Variants in PRKACB observed in about 807,000 individuals in gnomAD.
PRKACB encodes protein kinase cAMP-activated catalytic subunit beta.
In PRKACB, 16 loss-of-function variants were observed where a neutral mutation model predicts 51.4. The ratio of observed to expected loss-of-function variants is 0.31; its 90% CI spans 0.21 to 0.47. The LOEUF (loss-of-function observed/expected upper bound fraction) is 0.47, where lower values mean the gene tolerates loss of function less well. Ranked by LOEUF, PRKACB falls within the 20% of genes least tolerant of loss-of-function variation. The pLI, the probability that PRKACB is intolerant of heterozygous loss-of-function variation, is 1.00. For missense variants in PRKACB, 309 were observed against 464.5 expected, an observed-to-expected ratio of 0.67 and a Z score of 3.08; for synonymous variants, 147 against 154.4, an observed-to-expected ratio of 0.95 and a Z score of 0.35.
chr1:84,110,386 GTATA>G (rs199834863), intron 1 of PRKACB, among the ~76,000 whole-genome samples: 1 of 151,124 alleles, frequency 6.6e-6, no homozygotes, highest in African/African-American at 2.4e-5. Context: ...ATATATGTAA[GTATA>G]TATATATACT....
intron 1 of PRKACB, among the ~76,000 whole-genome samples, chr1:84,130,676 C>G (rs1239052880): frequency 2.6e-5 from 4 of 152,078 alleles, no homozygotes; most frequent in African/African-American, 9.7e-5. Context: ...ATTGAAGAAG[C>G]TTAGTGAATG....
At chr1:84,206,348 T>C (rs1671344728) in intron 8 of PRKACB, among the ~76,000 whole-genome samples, 1 of 152,186 alleles carries the variant, frequency 6.6e-6, no homozygotes, top group Non-Finnish European at 1.5e-5. Flanking sequence ...ATCAGCCCAA[T>C]TGCTATTCCT....
chr1:84,211,140 C>G (rs912851855), intron 8 of PRKACB, among the ~76,000 whole-genome samples: 2 of 151,890 alleles, frequency 1.3e-5, no homozygotes, highest in African/African-American at 4.8e-5. Context: ...CACACACACA[C>G]ACACACACAC....
intron 1 of PRKACB, among the ~76,000 whole-genome samples, chr1:84,086,743 C>T (rs1429798851): frequency 6.6e-6 from 1 of 152,192 alleles, no homozygotes; most frequent in Non-Finnish European, 1.5e-5. Flanking sequence ...CTGGGTCCCA[C>T]ACTCAAATCC....
chr1:84,090,096 G>C (rs1449191285), intron 1 of PRKACB, among the ~76,000 whole-genome samples: 1 of 152,138 alleles, frequency 6.6e-6, no homozygotes, highest in Admixed American at 6.5e-5. Flanking sequence ...AACCTCAAAT[G>C]AGCTGTCAAC....
intron 1 of PRKACB, among the ~76,000 whole-genome samples, chr1:84,169,379 A>G (rs1422199265): frequency 3.3e-5 from 5 of 151,704 alleles, no homozygotes; most frequent in Non-Finnish European, 7.4e-5. Flanking sequence ...GAGAGGCAGG[A>G]ATGGAAAAGA....
At chr1:84,127,042 C>T (rs1281122448) in intron 1 of PRKACB, among the ~76,000 whole-genome samples, 1 of 152,104 alleles carries the variant, frequency 6.6e-6, no homozygotes, top group Non-Finnish European at 1.5e-5. Flanking sequence ...TGCCTTATTC[C>T]TCTATCTGGG....
In PRKACB at chr1:84,144,411, C is replaced by T. The variant is rs1178066766; in HGVS notation, c.50C>T (p.Thr17Ile). ...PPCNQYTGTT[T>I]ALQKLEGFAS... is the part of the protein sequence containing the mutation. Reference sequence around the variant, plus strand: ...TGTAACCAGTATACAGGTACAACTACAGCTCTTCAGAAATTGGAAGGTTTT... The same window carrying T: ...TGTAACCAGTATACAGGTACAACTATAGCTCTTCAGAAATTGGAAGGTTTT... The change falls in exon 1 of 10, where the codon ACA becomes ATA. Residue 17 changes from threonine to isoleucine, a missense_variant. Thr to Ile is a moderately conservative substitution (Grantham distance 89). This residue lies in a region of PRKACB where 153 missense variants were observed against 190.2 expected (regional missense o/e 0.80). Coordinates refer to ENST00000370685, the MANE Select transcript of PRKACB (RefSeq NM_182948.4). The T allele has an allele frequency of 2.5e-6, 4 of 1,613,432 alleles. No homozygotes were observed. Among genetic ancestry groups the T allele is most frequent in the Non-Finnish European group, 2.5e-6 (3 of 1,179,698 alleles).
At chr1:84,190,495 CTTAAAG>C (rs1186133787) in intron 5 of PRKACB, among the ~76,000 whole-genome samples, 8 of 148,640 alleles carry the variant, frequency 5.4e-5, no homozygotes, top group African/African-American at 9.8e-5. Context: ...TAAATAAGAA[CTTAAAG>C]TTAGATACAT....
intron 1 of PRKACB, chr1:84,175,749 C>G: frequency 6.7e-7 from 1 of 1,500,926 alleles, no homozygotes; most frequent in Non-Finnish European, 8.9e-7. Flanking sequence ...TTTTTCATCT[C>G]TTGAATGTGG....
intron 1 of PRKACB, among the ~76,000 whole-genome samples, chr1:84,156,146 G>A (rs1270236383): frequency 6.6e-6 from 1 of 151,978 alleles, no homozygotes; most frequent in African/African-American, 2.4e-5. Flanking sequence ...ATGCCACTGT[G>A]CCAGGCTAAT....
intron 2 of PRKACB, among the ~76,000 whole-genome samples, chr1:84,180,249 T>TA (rs1662954078): frequency 7.9e-6 from 1 of 126,564 alleles, no homozygotes; most frequent in African/African-American, 2.9e-5. Context: ...AAGAATGAAT[T>TA]AACACATTTG....
At chr1:84,230,382 G>C (rs2101689228) in intron 9 of PRKACB, among the ~76,000 whole-genome samples, 1 of 152,272 alleles carries the variant, frequency 6.6e-6, no homozygotes, top group Middle Eastern at 3.4e-3. Flanking sequence ...CTCCAGCTTT[G>C]TTCTTTTGGC....
chr1:84,191,448 T>G (rs1666765802), intron 5 of PRKACB, among the ~76,000 whole-genome samples: 1 of 152,132 alleles, frequency 6.6e-6, no homozygotes, highest in Non-Finnish European at 1.5e-5. Flanking sequence ...TCTCTGAAGC[T>G]GCCTTCAAGT....
intron 1 of PRKACB, among the ~76,000 whole-genome samples, chr1:84,163,582 G>A (rs1169436401): frequency 2.0e-5 from 3 of 151,954 alleles, no homozygotes; most frequent in African/African-American, 2.4e-5. Context: ...TCCTGACTGA[G>A]CTATAAAGGA....
At chr1:84,226,014 C>T (rs1027647697) in intron 9 of PRKACB, among the ~76,000 whole-genome samples, 1 of 152,102 alleles carries the variant, frequency 6.6e-6, no homozygotes, top group Non-Finnish European at 1.5e-5. Context: ...AAGCCCTGAC[C>T]TTTATTTTTT....
At chr1:84,126,278 G>A (rs1464595069) in intron 1 of PRKACB, among the ~76,000 whole-genome samples, 1 of 152,182 alleles carries the variant, frequency 6.6e-6, no homozygotes, top group East Asian at 1.9e-4. Flanking sequence ...AAGGTCATAT[G>A]AATGAATTGA....
In PRKACB at chr1:84,099,327, T is replaced by C. The variant is rs181281042; in HGVS notation, c.46+20956T>C. Reference sequence around the variant, plus strand: ...ATATATTCAGTGCATTTTAATGGCATGAGTTTTTAATTAATGTTGTATAGT... The same window carrying C: ...ATATATTCAGTGCATTTTAATGGCACGAGTTTTTAATTAATGTTGTATAGT... On this transcript the variant is annotated intron_variant, in intron 1 of 8. Transcript: ENST00000370688. 6.1e-3 allele frequency among the ~76,000 whole-genome samples: 927 copies of C among 152,114 alleles called. 9 individuals carry two copies. Among genetic ancestry groups the C allele is most frequent in the Non-Finnish European group, 8.8e-3 (598 of 67,954 alleles).
upstream of PRKACB, among the ~76,000 whole-genome samples, chr1:84,143,657 A>G (rs1054018055): frequency 5.3e-5 from 8 of 152,210 alleles, no homozygotes; most frequent in African/African-American, 1.9e-4. Context: ...ATGTTTTAAA[A>G]TGTACCCCTG....
Sources: allele counts gnomAD v4.1 joint callset (sites outside exome capture counted in the v4.1 genomes callset), GRCh38; gene constraint gnomAD v4.1.1; regional missense constraint gnomAD v4.1.1; transcripts MANE v1.5; gene names NCBI Gene and HGNC (gene_info 2026-07-23, HGNC 2026-07-21).